The following SH2D4A variants were observed in gnomAD, a reference collection of about 807,000 sequenced individuals.
The protein encoded by SH2D4A is SH2 domain containing 4A.
A neutral mutation model predicts 64.7 loss-of-function variants in SH2D4A; 70 were observed. The observed-to-expected ratio is 1.08, with a 90% CI of 0.89 to 1.32. The LOEUF (loss-of-function observed/expected upper bound fraction) is 1.32. Ranked by LOEUF, SH2D4A falls within the 40% of genes most tolerant of loss-of-function variation. SH2D4A has a pLI of 0.00. For missense variants in SH2D4A, 706 were observed against 540.1 expected (o/e 1.31, Z -3.04); for synonymous variants, 268 against 200.7 (o/e 1.34, Z -2.83).
At chr8:19,365,148 C>T (rs543844094) in intron 7 of SH2D4A, among the ~76,000 whole-genome samples, 1 of 152,174 alleles carries the variant, frequency 6.6e-6, no homozygotes, top group Non-Finnish European at 1.5e-5. Context: ...AAATAAGACT[C>T]TTCTCCTGCT....
intron 4 of SH2D4A, 46 bp downstream of exon 4, chr8:19,334,903 AG>A: frequency 6.5e-7 from 1 of 1,544,974 alleles, no homozygotes; most frequent in South Asian, 1.3e-5. Flanking sequence ...ATCATGGGGG[AG>A]AAAAAGCTAT....
intron 1 of SH2D4A, among the ~76,000 whole-genome samples, chr8:19,315,241 TC>T (rs928367444): frequency 2.6e-5 from 4 of 152,050 alleles, no homozygotes; most frequent in Non-Finnish European, 5.9e-5. Context: ...ACTCAAGAGA[TC>T]CCCCCACCTC....
At chr8:19,314,507 C>T (rs1281493753) in intron 1 of SH2D4A, among the ~76,000 whole-genome samples, 1 of 152,094 alleles carries the variant, frequency 6.6e-6, no homozygotes, top group African/African-American at 2.4e-5. Flanking sequence ...CAAGCGGCGC[C>T]CCTGCCCGCT....
intron 1 of SH2D4A, among the ~76,000 whole-genome samples, chr8:19,318,847 ATTTC>A (rs2052134224): frequency 6.6e-6 from 1 of 151,952 alleles, no homozygotes; most frequent in African/African-American, 2.4e-5. Flanking sequence ...TCTAGTTTTT[ATTTC>A]TTCCTTTTTC....
At chr8:19,348,826 G>C (rs1349422985) in intron 4 of SH2D4A, among the ~76,000 whole-genome samples, 1 of 152,172 alleles carries the variant, frequency 6.6e-6, no homozygotes, top group African/African-American at 2.4e-5. Flanking sequence ...TTGGTGAGTA[G>C]GCGGGGTTGA....
intron 8 of SH2D4A, among the ~76,000 whole-genome samples, chr8:19,384,364 C>G (rs1028650420): frequency 1.3e-5 from 2 of 152,176 alleles, no homozygotes; most frequent in African/African-American, 4.8e-5. Context: ...GAATAGCCAC[C>G]ATTTTCTAGA....
chr8:19,334,859 T>G lies in SH2D4A; in HGVS notation c.513+2T>G, dbSNP rs753491921. ...ACCCTGGAAGAAGAGAAAATCCGAG[T>G]GAGTCCTTACTGTCTGTAGACGTGC... On this transcript the variant is annotated splice_donor_variant, in intron 4 of 9. Coordinates refer to ENST00000265807, the MANE Select transcript of SH2D4A (RefSeq NM_022071.4). LOFTEE classifies it high-confidence loss of function. 7 of 1,603,494 alleles carry G rather than the reference T, an allele frequency of 4.4e-6. 1 individual carries two copies. In the South Asian group the frequency reaches 7.9e-5, roughly 18 times the overall value.
chr8:19,357,869 T>G (rs1020089076), intron 5 of SH2D4A, among the ~76,000 whole-genome samples: 24 of 152,168 alleles, frequency 1.6e-4, no homozygotes, highest in African/African-American at 5.8e-4. Flanking sequence ...TGTAGTAGGA[T>G]TTGACCTACC....
chr8:19,372,117 A>T (rs2053111742), intron 7 of SH2D4A, among the ~76,000 whole-genome samples: 1 of 152,182 alleles, frequency 6.6e-6, no homozygotes, highest in Non-Finnish European at 1.5e-5. Flanking sequence ...TGCACATTTA[A>T]GGATTAGGCT....
chr8:19,364,561 C>T (rs995618016), intron 7 of SH2D4A, among the ~76,000 whole-genome samples: 1 of 152,064 alleles, frequency 6.6e-6, no homozygotes, highest in Non-Finnish European at 1.5e-5. Context: ...GTGTCCCTAC[C>T]CCACTCTCCC....
intron 7 of SH2D4A, among the ~76,000 whole-genome samples, chr8:19,372,360 C>T (rs935807117): frequency 6.6e-6 from 1 of 152,138 alleles, no homozygotes; most frequent in Non-Finnish European, 1.5e-5. Context: ...AAGGAGGGTA[C>T]AGGGGCTGTG....
chr8:19,373,619 G>C lies in SH2D4A; in HGVS notation c.1007G>C (p.Gly336Ala). ...FKEEQLPLRA[G>A]YQKTSDTIAP... Reference sequence around the variant, plus strand: ...GAGGAGCAGCTACCACTTCGAGCGGGCTACCAGAAAACCTCAGACACCATA... The same window carrying C: ...GAGGAGCAGCTACCACTTCGAGCGGCCTACCAGAAAACCTCAGACACCATA... The change falls in exon 8 of 10, where the codon GGC becomes GCC. Residue 336 changes from glycine (G) to alanine (A), a missense_variant. Transcript: ENST00000265807. 6.2e-7 allele frequency: 1 copy of C among 1,613,300 alleles called. No homozygotes were observed. Among genetic ancestry groups the C allele is most frequent in the Non-Finnish European group, 8.5e-7 (1 of 1,179,592 alleles).
At chr8:19,363,002 T>C (rs980175127) in intron 6 of SH2D4A, among the ~76,000 whole-genome samples, 9 of 152,286 alleles carry the variant, frequency 5.9e-5, no homozygotes, top group African/African-American at 2.2e-4. Flanking sequence ...GGTAAGTGCC[T>C]TATGTAGAGG....
chr8:19,325,612 C>T (rs528196852), intron 2 of SH2D4A, among the ~76,000 whole-genome samples: 5 of 152,182 alleles, frequency 3.3e-5, no homozygotes, highest in African/African-American at 1.2e-4. Context: ...TCACTGATGT[C>T]CTCTCTCTAT....
Position 19,394,849 on chromosome 8 carries a change from A to C in SH2D4A, c.*207A>C. 2.5e-6 allele frequency: 1 copy of C among 392,522 alleles called. No homozygotes were observed. The highest frequency in any genetic ancestry group is 4.5e-6 in the Non-Finnish European group (1 of 220,942). The allele number at this position is 392,522 out of a possible 1,614,324, so 24.3% of individuals were successfully genotyped here. A position where few individuals can be genotyped will look rare whatever the true frequency, so the allele number is the denominator to read the frequency against. On this transcript the variant is annotated 3_prime_UTR_variant, in exon 10 of 10. Transcript: ENST00000265807. ...TGTCAAGAGAAAATGACCTCTGCTC[A>C]AAAGGGAGAAGAGTCTCAATTTCAG...
In SH2D4A at chr8:19,383,326, C is replaced by A. The variant is rs895059764; in HGVS notation, c.1048+9666C>A. ...GATTCTTTCTTCTCCCTGCTTAAATCTGCCTGTGAATTCCTCTAGTGAATT... is the reference window on the plus strand; with the variant it reads ...GATTCTTTCTTCTCCCTGCTTAAATATGCCTGTGAATTCCTCTAGTGAATT... On this transcript the variant is annotated intron_variant, in intron 8 of 9. Transcript: ENST00000265807. Among the ~76,000 whole-genome samples, 4 of 151,612 alleles carry A rather than the reference C, an allele frequency of 2.6e-5. No homozygotes were observed. In the South Asian group the frequency reaches 6.2e-4, roughly 24 times the overall value.
chr8:19,387,794 GGTTGT>G (rs1563214130), intron 8 of SH2D4A, among the ~76,000 whole-genome samples: 3 of 152,188 alleles, frequency 2.0e-5, no homozygotes, highest in Non-Finnish European at 4.4e-5. Context: ...AGATCAGTAG[GGTTGT>G]TCCTGCCTCA....
chr8:19,384,663 G>T (rs1430584315), intron 8 of SH2D4A, among the ~76,000 whole-genome samples: 2 of 152,152 alleles, frequency 1.3e-5, no homozygotes, highest in Non-Finnish European at 2.9e-5. Flanking sequence ...AGTTATTCTG[G>T]CTTCAGATTA....
At chr8:19,362,471 G>A (rs558439961) in intron 6 of SH2D4A, among the ~76,000 whole-genome samples, 6 of 152,338 alleles carry the variant, frequency 3.9e-5, no homozygotes, top group African/African-American at 1.4e-4. Flanking sequence ...CAGGCACTGT[G>A]TCTCACTCCT....
Sources: gnomAD v4.1 joint callset for allele counts (sites outside exome capture counted in the v4.1 genomes callset) on GRCh38, gnomAD v4.1.1 for gene constraint, MANE v1.5 for transcripts, NCBI Gene and HGNC (gene_info 2026-07-23, HGNC 2026-07-21) for gene names.